PLCB4: variants seen among roughly 807,000 people sequenced by gnomAD.
PLCB4 encodes the protein phospholipase C beta 4, also known as 1-phosphatidylinositol 4,5-bisphosphate phosphodiesterase beta-4.
A neutral mutation model predicts 178.8 loss-of-function variants in PLCB4; 77 were observed. The observed-to-expected ratio is 0.43, with a 90% CI of 0.36 to 0.52. The LOEUF (loss-of-function observed/expected upper bound fraction) is 0.52. Among genes scored for constraint, PLCB4 ranks in the 20% least tolerant of loss-of-function variants. The pLI is 0.00. For synonymous variants in PLCB4, 496 were observed against 490.8 expected, an observed-to-expected ratio of 1.01 and a Z score of -0.14; for missense variants, 1,024 against 1,453.4, an observed-to-expected ratio of 0.70 and a Z score of 4.80.
Position 9,372,357 on chromosome 20 carries a change from C to T in PLCB4, c.640C>T (p.Gln214Ter). Reference protein sequence around the residue: ...FSYEKFYELTQKICPRTDIED... With the variant: ...FSYEKFYELT ...TTATGAAAAGTTCTATGAACTGACACAAAAGATTTGTCCTCGGACAGATAT... is the reference window on the plus strand; with the variant it reads ...TTATGAAAAGTTCTATGAACTGACATAAAAGATTTGTCCTCGGACAGATAT... The change falls in exon 11 of 40, where the codon CAA becomes TAA. Residue 214 changes from glutamine (Q) to a stop codon, truncating the protein, a stop_gained. Transcript: ENST00000378473. LOFTEE classifies it high-confidence loss of function. The T allele has an allele frequency of 6.2e-7, 1 of 1,603,824 alleles. No homozygotes were observed. Among genetic ancestry groups the T allele is most frequent in the African/African-American group, 1.3e-5 (1 of 74,734 alleles).
chr20:9,204,188 G>A (rs1450552561), intron 2 of PLCB4, among the ~76,000 whole-genome samples: 3 of 151,740 alleles, frequency 2.0e-5, no homozygotes, highest in Admixed American at 6.6e-5. Context: ...TCGTTGAGTC[G>A]TTGAGCCCAG....
intron 2 of PLCB4, among the ~76,000 whole-genome samples, chr20:9,143,364 A>G (rs2092533918): frequency 6.6e-6 from 1 of 152,164 alleles, no homozygotes; most frequent in Non-Finnish European, 1.5e-5. Context: ...TGCTGTTAGA[A>G]ACTTCTTTTT....
intron 25 of PLCB4, among the ~76,000 whole-genome samples, chr20:9,414,076 C>A (rs2148529093): frequency 6.6e-6 from 1 of 152,320 alleles, no homozygotes; most frequent in East Asian, 1.9e-4. Flanking sequence ...TAAATGCGTT[C>A]ATTTATTTTA....
chr20:9,217,229 CTG>C (rs2093743471), intron 2 of PLCB4, among the ~76,000 whole-genome samples, 159 bp from the exon 3 acceptor site: 1 of 152,164 alleles, frequency 6.6e-6, no homozygotes, highest in African/African-American at 2.4e-5. Context: ...GACTGTGTGT[CTG>C]TGTCATTTGT....
chr20:9,136,693 C>A (rs919025485), intron 2 of PLCB4, among the ~76,000 whole-genome samples: 3 of 152,102 alleles, frequency 2.0e-5, no homozygotes, highest in Non-Finnish European at 2.9e-5. Flanking sequence ...GCATATTCTA[C>A]ACACAGTCGA....
At chr20:9,384,088 CTG>C (rs2037375210) in intron 13 of PLCB4, 111 bp from the exon 14 acceptor site, 1 of 746,848 alleles carries the variant, frequency 1.3e-6, no homozygotes, top group South Asian at 1.7e-5. Flanking sequence ...GGGAAAGAGA[CTG>C]TGAAGACGTT....
intron 2 of PLCB4, among the ~76,000 whole-genome samples, chr20:9,146,338 G>A (rs2092598541): frequency 6.6e-6 from 1 of 152,088 alleles, no homozygotes; most frequent in African/African-American, 2.4e-5. Flanking sequence ...GTAGCTCATG[G>A]CCCATTTGAT....
intron 12 of PLCB4, among the ~76,000 whole-genome samples, chr20:9,376,805 A>G (rs982739218): frequency 3.3e-5 from 5 of 152,146 alleles, no homozygotes; most frequent in African/African-American, 1.2e-4. Flanking sequence ...AAAACAAGGA[A>G]GAGAGGGAAA....
chr20:9,469,861 C>A (rs1026141962), intron 36 of PLCB4, among the ~76,000 whole-genome samples: 19 of 152,184 alleles, frequency 1.2e-4, no homozygotes, highest in African/African-American at 4.6e-4. Context: ...TCCCAGCGAT[C>A]ACCAGTGCTG....
chr20:9,452,998 A>G (rs777085466), intron 32 of PLCB4, among the ~76,000 whole-genome samples: 12 of 152,222 alleles, frequency 7.9e-5, no homozygotes, highest in Non-Finnish European at 1.8e-4. Flanking sequence ...TAGGCTAATT[A>G]CATGTCTCAA....
chr20:9,338,639 T>G (rs1318847793), intron 6 of PLCB4, among the ~76,000 whole-genome samples: 1 of 152,158 alleles, frequency 6.6e-6, no homozygotes, highest in Non-Finnish European at 1.5e-5. Context: ...AATGCACCAC[T>G]GTTCACCAGC....
chr20:9,319,738 C>G (rs925880775), intron 4 of PLCB4, among the ~76,000 whole-genome samples: 2 of 152,170 alleles, frequency 1.3e-5, no homozygotes, highest in African/African-American at 4.8e-5. Context: ...ATGGTGCCCT[C>G]CTGTATTCGG....
At chr20:9,254,902 T>C (rs530646870) in intron 3 of PLCB4, among the ~76,000 whole-genome samples, 1 of 152,310 alleles carries the variant, frequency 6.6e-6, no homozygotes, top group East Asian at 1.9e-4. Context: ...AGTAAAAGTA[T>C]ACTATCAACT....
chr20:9,293,939 G>A (rs549461223), intron 3 of PLCB4, among the ~76,000 whole-genome samples: 2 of 152,040 alleles, frequency 1.3e-5, no homozygotes, highest in Non-Finnish European at 2.9e-5. Flanking sequence ...GCTCAGTACC[G>A]GGGGGCAAGG....
intron 2 of PLCB4, among the ~76,000 whole-genome samples, chr20:9,182,074 T>C (rs947970966): frequency 6.6e-6 from 1 of 152,204 alleles, no homozygotes; most frequent in African/African-American, 2.4e-5. Flanking sequence ...GCGTCTCACC[T>C]ATAACCTGGC....
intron 3 of PLCB4, among the ~76,000 whole-genome samples, chr20:9,247,867 C>T (rs2094141139): frequency 6.6e-6 from 1 of 152,110 alleles, no homozygotes; most frequent in Admixed American, 6.6e-5. Flanking sequence ...TTTAATGCAG[C>T]CTCCATTTCC....
At position 9,148,554 on chromosome 20, in the gene PLCB4, G is replaced by T. The variant is rs189790245; in HGVS notation, c.-79+52212G>T. On this transcript the variant is annotated intron_variant, in intron 2 of 39. Transcript: ENST00000378473. ...TTCCCTCGCCCCAAGAATTTCTCCT[G>T]CATCAGGGAAGTCAACAGAGGACTT... Among the ~76,000 whole-genome samples the T allele has an allele frequency of 6.5e-3, 994 of 151,912 alleles. 23 individuals carry two copies. Among genetic ancestry groups the T allele is most frequent in the Non-Finnish European group, 3.7e-3 (252 of 67,968 alleles).
chr20:9,193,039 C>T (rs916975207), intron 2 of PLCB4, among the ~76,000 whole-genome samples: 1 of 152,180 alleles, frequency 6.6e-6, no homozygotes, highest in African/African-American at 2.4e-5. Flanking sequence ...TCTTGATCAG[C>T]AGCATTGCCA....
chr20:9,344,315 T>C (rs1186368208), intron 7 of PLCB4, among the ~76,000 whole-genome samples: 1 of 152,190 alleles, frequency 6.6e-6, no homozygotes, highest in East Asian at 1.9e-4. Flanking sequence ...GAGCTCCCCA[T>C]TTCACCAGCC....
Sources: gnomAD v4.1 joint callset for allele counts (sites outside exome capture counted in the v4.1 genomes callset) on GRCh38, gnomAD v4.1.1 for gene constraint, MANE v1.5 for transcripts, NCBI Gene and HGNC (gene_info 2026-07-23, HGNC 2026-07-21) for gene names.